The following PCM1 variants were observed in gnomAD, a reference collection of about 807,000 sequenced individuals.
PCM1 encodes pericentriolar material 1, also known as pericentriolar material 1 protein.
A neutral mutation model predicts 241.9 loss-of-function variants in PCM1; 157 were observed. The ratio of observed to expected loss-of-function variants is 0.65; its 90% CI spans 0.57 to 0.74. The LOEUF (loss-of-function observed/expected upper bound fraction) is 0.74, where lower values mean the gene tolerates loss of function less well. Ranked by LOEUF, PCM1 falls within the 30% of genes least tolerant of loss-of-function variation. The probability of loss-of-function intolerance (pLI) is 0.00; values close to 1 mark genes in which losing one functional copy is unlikely to be tolerated. For missense variants in PCM1, 3,478 were observed against 2,360.1 expected, an observed-to-expected ratio of 1.47 and a Z score of -9.81; for synonymous variants, 1,085 against 784.9, an observed-to-expected ratio of 1.38 and a Z score of -6.39.
Position 17,953,058 on chromosome 8 carries a change from A to G in PCM1, c.1160A>G (p.Glu387Gly). The G allele has an allele frequency of 1.2e-6, 2 of 1,607,086 alleles. No individual in the cohort carries two copies. Among genetic ancestry groups the G allele is most frequent in the Non-Finnish European group, 8.5e-7 (1 of 1,176,262 alleles). Reference protein sequence around the residue: ...VSQSRKPSASERLPDEKVELF... With the variant: ...VSQSRKPSASGRLPDEKVELF... ...CAGAGCAGGAAACCATCAGCTTCAG[A>G]ACGTTTACCTGATGAGAAAGTCGAA... is the stretch of plus-strand genomic sequence containing the variant. The change falls in exon 9 of 39, where the codon GAA becomes GGA. Residue 387 changes from glutamate to glycine, a missense_variant. Glu to Gly is a moderately conservative substitution (Grantham distance 98). Transcript: ENST00000325083.
chr8:17,945,286 C>T (rs1268212568), intron 6 of PCM1, among the ~76,000 whole-genome samples: 1 of 152,024 alleles, frequency 6.6e-6, no homozygotes, highest in East Asian at 1.9e-4. Flanking sequence ...AGGTAACTCC[C>T]CTTATATAGG....
Position 17,991,685 on chromosome 8 carries a change from G to C in PCM1, c.4675G>C (p.Val1559Leu), listed in dbSNP as rs2084680308. 3.2e-6 allele frequency: 5 copies of C among 1,550,872 alleles called. No individual in the cohort carries two copies. In the East Asian group the frequency reaches 1.2e-4, roughly 38 times the overall value. The change falls in exon 28 of 39, where the codon GTT becomes CTT. Residue 1559 changes from valine to leucine, a missense_variant. By Grantham distance (32) the Val-to-Leu change is conservative (BLOSUM62 1). Coordinates refer to ENST00000325083, the MANE Select transcript of PCM1 (RefSeq NM_006197.4). Reference protein sequence around the residue: ...DGDGAGAGTTVNNLEETPVIE... With the variant: ...DGDGAGAGTTLNNLEETPVIE... The stretch of plus-strand genomic sequence containing the variant: ...AGATGGTGCTGGTGCAGGTACTACA[G>C]TTAATAATTTAGAAGGTATATATTT...
chr8:17,981,891 A>G (rs1445886036), intron 24 of PCM1, among the ~76,000 whole-genome samples: 1 of 98,980 alleles, frequency 1.0e-5, no homozygotes, highest in African/African-American at 4.4e-5. Context: ...ATCCATCCTA[A>G]GAAGACAAAA....
At position 17,962,126 on chromosome 8, in the gene PCM1, A is replaced by G. The variant is rs1187601631; in HGVS notation, c.2415A>G (p.Thr805=). The part of the protein sequence containing the change: ...TPTVNQHETS[T]SKSVFEPEDS... ...CTGTTAATCAACACGAGACCAGTAC[A>G]AGCAAATCTGTTTTTGAGCCTGAAG... The change falls in exon 16 of 39, where the codon ACA becomes ACG. Residue 805 remains threonine, a synonymous_variant. Transcript: ENST00000325083. 6.2e-7 allele frequency: 1 copy of G among 1,610,348 alleles called. No homozygotes were observed. The highest frequency in any genetic ancestry group is 8.5e-7 in the Non-Finnish European group (1 of 1,177,782).
At chr8:17,956,500 A>G in intron 10 of PCM1, 104 bp from the exon 11 acceptor site, 1 of 678,460 alleles carries the variant, frequency 1.5e-6, no homozygotes, top group Non-Finnish European at 2.5e-6. Context: ...ATATTCCATT[A>G]GGTCTAAATT....
At chr8:17,936,191 T>A (rs1424678975) in intron 3 of PCM1, among the ~76,000 whole-genome samples, 1 of 152,326 alleles carries the variant, frequency 6.6e-6, no homozygotes, top group Admixed American at 6.5e-5. Context: ...TTTGAAATTT[T>A]GTAGTATGAT....
At chr8:17,952,487 T>C (rs2066444742) in intron 8 of PCM1, among the ~76,000 whole-genome samples, 1 of 152,194 alleles carries the variant, frequency 6.6e-6, no homozygotes, top group African/African-American at 2.4e-5. Flanking sequence ...TCTCAGTATC[T>C]GTGGGTTCCA....
rs762618125 is a variant in PCM1, at chr8:18,027,681, T to TCTAA, written c.*22_*25dup. ...TATATGAGATGTCTTCAGAGGCTCA[T>TCTAA]CTAACTCTGTCCTTACATACTCAAT... On this transcript the variant is annotated 3_prime_UTR_variant, in exon 39 of 39. Coordinates refer to ENST00000325083, the MANE Select transcript of PCM1 (RefSeq NM_006197.4). 21 of 1,565,524 alleles carry TCTAA rather than the reference T, an allele frequency of 1.3e-5. 1 individual carries two copies. The highest frequency in any genetic ancestry group is 6.8e-5 in the East Asian group (3 of 44,422).
chr8:17,925,477 C>A (rs755418489), intron 2 of PCM1: 1 of 152,020 alleles, frequency 6.6e-6, no homozygotes, highest in Admixed American at 6.5e-5. Context: ...CAGAAAAAAA[C>A]CTCAGAAATA....
Position 17,923,033 on chromosome 8 carries a change from G to C in PCM1, c.-246G>C, listed in dbSNP as rs1295129956. On this transcript the variant is annotated 5_prime_UTR_variant, in exon 1 of 39. Coordinates refer to ENST00000325083, the MANE Select transcript of PCM1 (RefSeq NM_006197.4). Reference sequence around the variant, plus strand: ...CGGTGGCTGCGGCGGTTGGCGCTGCGTAGCTGAGGTCGAAAAGGCGGCCAC... The same window carrying C: ...CGGTGGCTGCGGCGGTTGGCGCTGCCTAGCTGAGGTCGAAAAGGCGGCCAC... 6.5e-6 allele frequency: 1 copy of C among 152,856 alleles called. No individual in the cohort carries two copies. The highest frequency in any genetic ancestry group is 1.9e-4 in the East Asian group (1 of 5,210). The allele number at this position is 152,856 out of a possible 1,614,324, so 9.5% of individuals were successfully genotyped here. A position where few individuals can be genotyped will look rare whatever the true frequency, so the allele number is the denominator to read the frequency against.
intron 2 of PCM1, among the ~76,000 whole-genome samples, chr8:17,933,018 A>G (rs760347157): frequency 3.1e-4 from 47 of 152,270 alleles, no homozygotes; most frequent in Non-Finnish European, 5.9e-4. Context: ...CCCCTCTTCT[A>G]TGATTGAGGT....
intron 16 of PCM1, 48 bp downstream of exon 16, chr8:17,962,222 CTT>C: frequency 1.4e-6 from 2 of 1,409,524 alleles, no homozygotes; most frequent in Non-Finnish European, 1.9e-6. Context: ...TTTTGTTTTC[CTT>C]TTTTTTTCTT....
In PCM1 at chr8:17,962,257, G is replaced by A; in HGVS notation, c.2463+83G>A. On this transcript the variant is annotated intron_variant, in intron 16 of 38. Transcript: ENST00000325083. ...CTTCAATAAGGCACATCTCAAGAAA[G>A]GAAACTGAATATCCTTGAAACATGT... The A allele has an allele frequency of 1.3e-5, 15 of 1,161,106 alleles. 1 individual carries two copies. The South Asian group carries it at 2.2e-4, about 17-fold the overall frequency. The allele number at this position is 1,161,106 out of a possible 1,614,324, so 71.9% of individuals were successfully genotyped here.
chr8:17,979,195 G>A (rs543367963), intron 23 of PCM1, among the ~76,000 whole-genome samples: 2 of 151,660 alleles, frequency 1.3e-5, no homozygotes, highest in African/African-American at 4.8e-5. Flanking sequence ...GTACATCATT[G>A]TAAATGAAAG....
chr8:17,952,286 G>A (rs2066358736), intron 8 of PCM1, among the ~76,000 whole-genome samples: 1 of 151,460 alleles, frequency 6.6e-6, no homozygotes, highest in Non-Finnish European at 1.5e-5. Context: ...GAAGTGGTGG[G>A]AAAAATTGAT....
At chr8:17,965,234 T>C (rs1356176653) in intron 18 of PCM1, among the ~76,000 whole-genome samples, 1 of 152,212 alleles carries the variant, frequency 6.6e-6, no homozygotes, top group African/African-American at 2.4e-5. Context: ...CTTTGATGTG[T>C]TCAGTGACCC....
In PCM1 at chr8:17,956,647, T is replaced by A. The variant is rs1250637900; in HGVS notation, c.1516T>A (p.Leu506Ile). The A allele has an allele frequency of 1.2e-6, 2 of 1,602,388 alleles. No homozygotes were observed. Among genetic ancestry groups the A allele is most frequent in the African/African-American group, 2.7e-5 (2 of 74,752 alleles). Residue 506 changes from leucine to isoleucine, a missense_variant, in exon 11 of 39, where the codon TTA (leucine) becomes ATA (isoleucine). Transcript: ENST00000325083. Reference sequence around the variant, plus strand: ...AAAGAGATTGAATGAGCTAAGAGAATTAGTTCATTATTATGAACAAACGTC... The same window carrying A: ...AAAGAGATTGAATGAGCTAAGAGAAATAGTTCATTATTATGAACAAACGTC... ...VRKRLNELRE[L>I]VHYYEQTSDM...
intron 24 of PCM1, 104 bp downstream of exon 24, chr8:17,980,859 C>A: frequency 1.3e-6 from 1 of 768,452 alleles, no homozygotes. Flanking sequence ...ACGTATCTAT[C>A]ATGTGGAAGG....
intron 36 of PCM1, among the ~76,000 whole-genome samples, chr8:18,017,851 C>CA (rs752388336): frequency 6.6e-6 from 1 of 150,932 alleles, no homozygotes; most frequent in Non-Finnish European, 1.5e-5. Context: ...AAAACTCCAT[C>CA]TCAAAAAAAA....
Sources: allele counts gnomAD v4.1 joint callset (sites outside exome capture counted in the v4.1 genomes callset), GRCh38; gene constraint gnomAD v4.1.1; transcripts MANE v1.5; gene names NCBI Gene and HGNC (gene_info 2026-07-23, HGNC 2026-07-21).